The following GNAL variants were observed in gnomAD, a reference collection of about 807,000 sequenced individuals.
The protein encoded by GNAL is guanine nucleotide-binding protein G(olf) subunit alpha.
A neutral mutation model predicts 55.1 loss-of-function variants in GNAL; 18 were observed. The observed-to-expected ratio is 0.33, with a 90% CI of 0.23 to 0.48. The LOEUF is 0.48. Ranked by LOEUF, GNAL falls within the 20% of genes least tolerant of loss-of-function variation. The probability of loss-of-function intolerance (pLI) is 0.99; values close to 1 mark genes in which losing one functional copy is unlikely to be tolerated. For missense variants in GNAL, 412 were observed against 614.1 expected (o/e 0.67, Z 3.48); for synonymous variants, 253 against 237.0 (o/e 1.07, Z -0.62).
At chr18:11,690,640 T>C (rs2031218675) in intron 1 of GNAL, among the ~76,000 whole-genome samples, 1 of 122,862 alleles carries the variant, frequency 8.1e-6, no homozygotes, top group Admixed American at 1.1e-4. Flanking sequence ...CCCCAGAGTG[T>C]GATGTTCCCC....
chr18:11,807,190 C>T (rs1042277309), intron 4 of GNAL, among the ~76,000 whole-genome samples: 1 of 151,932 alleles, frequency 6.6e-6, no homozygotes, highest in Non-Finnish European at 1.5e-5. Context: ...AAAAGAACAA[C>T]CTCCAGCTCT....
chr18:11,806,711 T>C (rs2034670785), intron 4 of GNAL, among the ~76,000 whole-genome samples: 1 of 151,602 alleles, frequency 6.6e-6, no homozygotes, highest in Non-Finnish European at 1.5e-5. Flanking sequence ...CCAAGGGCCT[T>C]CTCAATATTG....
At chr18:11,756,717 G>T (rs1483424330) in intron 4 of GNAL, among the ~76,000 whole-genome samples, 1 of 151,874 alleles carries the variant, frequency 6.6e-6, no homozygotes, top group Admixed American at 6.6e-5. Context: ...GTAGTTCTTG[G>T]TTTCATATTT....
At chr18:11,772,266 A>G (rs1174722783) in intron 4 of GNAL, among the ~76,000 whole-genome samples, 1 of 152,260 alleles carries the variant, frequency 6.6e-6, no homozygotes, top group East Asian at 1.9e-4. Context: ...CTTCAATAAA[A>G]AGAATGCTTT....
At chr18:11,738,674 C>G (rs1408771070) in intron 1 of GNAL, among the ~76,000 whole-genome samples, 2 of 152,168 alleles carry the variant, frequency 1.3e-5, no homozygotes, top group South Asian at 2.1e-4. Context: ...GTCTCGAACT[C>G]CTGGCCTCAA....
intron 5 of GNAL, among the ~76,000 whole-genome samples, chr18:11,834,639 G>A (rs2035461478): frequency 6.6e-6 from 1 of 152,116 alleles, no homozygotes; most frequent in African/African-American, 2.4e-5. Flanking sequence ...GATTGCTGGA[G>A]CCTTGGAGTT....
intron 4 of GNAL, among the ~76,000 whole-genome samples, chr18:11,762,011 C>T (rs2033259712): frequency 6.6e-6 from 1 of 152,144 alleles, no homozygotes; most frequent in Non-Finnish European, 1.5e-5. Flanking sequence ...AACAGAAGTC[C>T]CACTTTGCAG....
At chr18:11,805,782 C>T (rs561782446) in intron 4 of GNAL, among the ~76,000 whole-genome samples, 1 of 152,284 alleles carries the variant, frequency 6.6e-6, no homozygotes, top group South Asian at 2.1e-4. Flanking sequence ...CATATCTTTG[C>T]AATTGTGAAT....
chr18:11,851,233 G>A lies in GNAL; in HGVS notation c.723-11162G>A, dbSNP rs116862454. 2.6e-5 allele frequency among the ~76,000 whole-genome samples: 4 copies of A among 152,358 alleles called. No homozygotes were observed. In the South Asian group the frequency reaches 6.2e-4, roughly 24 times the overall value. On this transcript the variant is annotated intron_variant, in intron 5 of 11. Transcript: ENST00000334049. Reference sequence around the variant, plus strand: ...AACCGGGTAGAACGCAGCGCAGGAAGCGAGCGTTCCCCGCCGCAGCGCCGG... The same window carrying A: ...AACCGGGTAGAACGCAGCGCAGGAAACGAGCGTTCCCCGCCGCAGCGCCGG...
chr18:11,871,862 C>T (rs1050587406), intron 9 of GNAL, among the ~76,000 whole-genome samples: 8 of 152,166 alleles, frequency 5.3e-5, no homozygotes. Flanking sequence ...GATTGAGTAT[C>T]CCTTATCCGA....
At chr18:11,788,404 T>A (rs1357682837) in intron 4 of GNAL, among the ~76,000 whole-genome samples, 1 of 152,164 alleles carries the variant, frequency 6.6e-6, no homozygotes, top group Non-Finnish European at 1.5e-5. Flanking sequence ...CCTTGTTCTG[T>A]GAGGAGTGGT....
chr18:11,874,048 T>C (rs1285001672), intron 10 of GNAL: 1 of 152,458 alleles, frequency 6.6e-6, no homozygotes, highest in East Asian at 1.9e-4. Flanking sequence ...CTTACCTGCT[T>C]AGGAGCACCA....
At chr18:11,695,926 A>G (rs34247896) in intron 1 of GNAL, among the ~76,000 whole-genome samples, 24,146 of 143,620 alleles carry the variant, frequency 0.17, 3,347 homozygotes, top group African/African-American at 0.43. Flanking sequence ...ACGCATGCAC[A>G]CACACACACA....
chr18:11,702,147 C>T (rs1323468828), intron 1 of GNAL: 2 of 152,298 alleles, frequency 1.3e-5, no homozygotes, highest in Non-Finnish European at 2.9e-5. Flanking sequence ...AGGTCAGCCC[C>T]AGAATCATGG....
intron 7 of GNAL, 59 bp downstream of exon 7, chr18:11,864,665 G>C (rs900132182): frequency 3.2e-6 from 3 of 929,816 alleles, no homozygotes; most frequent in Non-Finnish European, 5.4e-6. Context: ...AGAGCCGAAG[G>C]GCTGTGAGGT....
intron 4 of GNAL, among the ~76,000 whole-genome samples, chr18:11,811,235 G>A (rs917931590): frequency 6.6e-6 from 1 of 152,042 alleles, no homozygotes; most frequent in East Asian, 1.9e-4. Flanking sequence ...ACGGCTGATC[G>A]CCACACTCTT....
chr18:11,822,635 G>T (rs1284747223), intron 4 of GNAL, among the ~76,000 whole-genome samples: 1 of 152,018 alleles, frequency 6.6e-6, no homozygotes, highest in Admixed American at 6.5e-5. Context: ...AAATTAAAAA[G>T]ATCAATTTCT....
At chr18:11,792,835 G>A (rs2034274678) in intron 4 of GNAL, among the ~76,000 whole-genome samples, 1 of 152,198 alleles carries the variant, frequency 6.6e-6, no homozygotes, top group African/African-American at 2.4e-5. Context: ...ACATGGTGAT[G>A]CAACTTCCAT....
intron 1 of GNAL, among the ~76,000 whole-genome samples, chr18:11,693,153 T>TA (rs145885875): frequency 2.0e-5 from 3 of 151,740 alleles, no homozygotes; most frequent in African/African-American, 7.3e-5. Flanking sequence ...AATTTTAAAA[T>TA]AAAGGATATG....
Sources: allele counts gnomAD v4.1 joint callset (sites outside exome capture counted in the v4.1 genomes callset), GRCh38; gene constraint gnomAD v4.1.1; transcripts MANE v1.5; gene names NCBI Gene and HGNC (gene_info 2026-07-23, HGNC 2026-07-21).